NCAM1: variants seen among roughly 807,000 people sequenced by gnomAD.
NCAM1 encodes neural cell adhesion molecule 1, also known as antigen recognized by monoclonal antibody 5.1H11.
Under a neutral mutation model 109.8 loss-of-function variants are expected in NCAM1, and 14 were observed. That is an observed-to-expected ratio of 0.13 (90% CI 0.08 to 0.20). The LOEUF is 0.20. NCAM1 is among the 10% of genes least tolerant of loss of function. The pLI, the probability that NCAM1 is intolerant of heterozygous loss-of-function variation, is 1.00. For synonymous variants in NCAM1, 418 were observed against 442.9 expected (o/e 0.94, Z 0.70); for missense variants, 774 against 1,109.9 (o/e 0.70, Z 4.30).
chr11:113,266,023 G>C (rs956467579), intron 17 of NCAM1, among the ~76,000 whole-genome samples: 1 of 152,188 alleles, frequency 6.6e-6, no homozygotes, highest in Non-Finnish European at 1.5e-5. Flanking sequence ...TGACCTCGAG[G>C]TTATGGGGAA....
intron 1 of NCAM1, among the ~76,000 whole-genome samples, chr11:113,049,144 G>A (rs1953374321): frequency 6.6e-6 from 1 of 152,110 alleles, no homozygotes; most frequent in Non-Finnish European, 1.5e-5. Flanking sequence ...AAATGTCTTG[G>A]AACTTGATAG....
intron 17 of NCAM1, among the ~76,000 whole-genome samples, chr11:113,266,786 T>G (rs2137728692): frequency 6.6e-6 from 1 of 152,280 alleles, no homozygotes; most frequent in Middle Eastern, 3.4e-3. Flanking sequence ...TACCGAGCAT[T>G]TTGGTCTTCC....
At chr11:113,057,161 T>C (rs369349839) in intron 1 of NCAM1, among the ~76,000 whole-genome samples, 13 of 151,768 alleles carry the variant, frequency 8.6e-5, no homozygotes, top group African/African-American at 3.1e-4. Flanking sequence ...AGATGAAGAG[T>C]AATGTCAGGA....
At chr11:113,061,157 A>C (rs1301424683) in intron 1 of NCAM1, among the ~76,000 whole-genome samples, 1 of 152,144 alleles carries the variant, frequency 6.6e-6, no homozygotes, top group Non-Finnish European at 1.5e-5. Flanking sequence ...TTTAAATGAG[A>C]TCATATACAG....
At chr11:113,127,115 T>C in intron 1 of NCAM1, among the ~76,000 whole-genome samples, 1 of 152,226 alleles carries the variant, frequency 6.6e-6, no homozygotes, top group East Asian at 1.9e-4. Flanking sequence ...CTACCTCTTA[T>C]GTATTAGAAT....
Position 112,961,552 on chromosome 11 carries a change from G to A in NCAM1, c.-61G>A. 9.4e-7 allele frequency: 1 copy of A among 1,063,712 alleles called. No homozygotes were observed. Among genetic ancestry groups the A allele is most frequent in the Non-Finnish European group, 1.5e-6 (1 of 687,680 alleles). The allele number at this position is 1,063,712 out of a possible 1,614,324, so 65.9% of individuals were successfully genotyped here. The stretch of plus-strand genomic sequence containing the variant: ...CGCTCAGCCGCCGTCCACACTCGCT[G>A]CAGGGGGGGGGGCACAGAATTTACC... On this transcript the variant is annotated 5_prime_UTR_variant, in exon 1 of 20. Transcript: ENST00000316851.
intron 7 of NCAM1, among the ~76,000 whole-genome samples, chr11:113,212,334 A>G (rs1338010124): frequency 6.6e-6 from 1 of 152,214 alleles, no homozygotes; most frequent in African/African-American, 2.4e-5. Flanking sequence ...AAAATTAGCC[A>G]TAATCATGTT....
At chr11:113,009,255 A>T (rs1453282923) in intron 1 of NCAM1, among the ~76,000 whole-genome samples, 1 of 151,164 alleles carries the variant, frequency 6.6e-6, no homozygotes, top group Non-Finnish European at 1.5e-5. Context: ...TAGACCTTGA[A>T]ATCTGTGGTG....
At chr11:113,041,586 G>C (rs1953074860) in intron 1 of NCAM1, among the ~76,000 whole-genome samples, 1 of 152,194 alleles carries the variant, frequency 6.6e-6, no homozygotes. Flanking sequence ...ACCAATGGTA[G>C]ACCCGCTCAT....
At chr11:113,225,980 G>A (rs1944832688) in intron 9 of NCAM1, among the ~76,000 whole-genome samples, 1 of 152,144 alleles carries the variant, frequency 6.6e-6, no homozygotes. Context: ...GCAAAAACAT[G>A]CCAAATCGTA....
At chr11:113,079,105 T>C (rs184419661) in intron 1 of NCAM1, among the ~76,000 whole-genome samples, 1 of 152,320 alleles carries the variant, frequency 6.6e-6, no homozygotes, top group African/African-American at 2.4e-5. Flanking sequence ...AAGACCAGCC[T>C]TGGACCTCAG....
chr11:113,160,626 C>T (rs1186714190), intron 1 of NCAM1, among the ~76,000 whole-genome samples: 1 of 152,226 alleles, frequency 6.6e-6, no homozygotes, highest in African/African-American at 2.4e-5. Flanking sequence ...ACCCACTTGG[C>T]ATTCGGCACT....
intron 14 of NCAM1, among the ~76,000 whole-genome samples, chr11:113,245,787 A>G (rs1172938001): frequency 6.6e-6 from 1 of 152,198 alleles, no homozygotes; most frequent in African/African-American, 2.4e-5. Context: ...TTAATTTAAT[A>G]CAATCTTTTG....
At chr11:113,136,519 T>TGG (rs1941603659) in intron 1 of NCAM1, among the ~76,000 whole-genome samples, 1 of 152,304 alleles carries the variant, frequency 6.6e-6, no homozygotes, top group African/African-American at 2.4e-5. Flanking sequence ...ATAGTTCCTG[T>TGG]GGGGTCTGGG....
chr11:113,232,060 A>T, intron 10 of NCAM1, 110 bp from the exon 11 acceptor site: 1 of 1,135,440 alleles, frequency 8.8e-7, no homozygotes, highest in Non-Finnish European at 1.2e-6. Flanking sequence ...CTACTATACC[A>T]GGCGCTGGCT....
chr11:113,074,643 T>C (rs570486072), intron 1 of NCAM1, among the ~76,000 whole-genome samples: 293 of 152,324 alleles, frequency 1.9e-3, no homozygotes, highest in South Asian at 9.3e-3. Flanking sequence ...TTTTATTTTA[T>C]TTTTTTGAGA....
chr11:113,269,983 T>C, intron 17 of NCAM1: 1 of 598,018 alleles, frequency 1.7e-6, no homozygotes, highest in Non-Finnish European at 3.0e-6. Flanking sequence ...GAGATGATGT[T>C]GTCATCCCTC....
intron 9 of NCAM1, among the ~76,000 whole-genome samples, chr11:113,224,003 G>A (rs1039601142): frequency 9.2e-5 from 14 of 152,222 alleles, no homozygotes; most frequent in African/African-American, 3.4e-4. Flanking sequence ...CTCCCAGCAT[G>A]AGCGACGCAG....
intron 1 of NCAM1, among the ~76,000 whole-genome samples, chr11:112,968,340 G>A (rs1000476074): frequency 9.2e-5 from 14 of 152,220 alleles, no homozygotes; most frequent in Non-Finnish European, 1.0e-4. Flanking sequence ...TGAGTGAGAT[G>A]TAAGTGCCCG....
Sources: gnomAD v4.1 joint callset for allele counts (sites outside exome capture counted in the v4.1 genomes callset) on GRCh38, gnomAD v4.1.1 for gene constraint, MANE v1.5 for transcripts, NCBI Gene and HGNC (gene_info 2026-07-23, HGNC 2026-07-21) for gene names.